NELL1: variants seen among roughly 807,000 people sequenced by gnomAD.
The protein encoded by NELL1 is neural EGFL like 1.
NELL1 carries 76 observed loss-of-function variants against 107.4 expected under a neutral mutation model. The observed-to-expected ratio is 0.71, with a 90% confidence interval of 0.59 to 0.86. NELL1 has a LOEUF of 0.86. NELL1 is among the 40% of genes least tolerant of loss of function. The pLI is 0.00. For missense variants in NELL1, 1,024 were observed against 1,005.5 expected (o/e 1.02, Z -0.25); for synonymous variants, 353 against 341.2 (o/e 1.03, Z -0.38).
At chr11:21,341,321 A>G (rs1850559869) in intron 14 of NELL1, among the ~76,000 whole-genome samples, 1 of 152,256 alleles carries the variant, frequency 6.6e-6, no homozygotes, top group Admixed American at 6.5e-5. Flanking sequence ...ACTATTGACT[A>G]TGAGAAATTC....
intron 15 of NELL1, among the ~76,000 whole-genome samples, chr11:21,433,625 G>A (rs1853027045): frequency 2.0e-5 from 3 of 152,118 alleles, no homozygotes; most frequent in South Asian, 4.2e-4. Context: ...TTTTGGTGAT[G>A]ATTAGTGATG....
chr11:21,512,897 A>T (rs6483774), intron 15 of NELL1, among the ~76,000 whole-genome samples: 81,594 of 152,068 alleles, frequency 0.54, 22,173 homozygotes, highest in African/African-American at 0.6. Flanking sequence ...CCAATGCTTG[A>T]ACATGTTTCC....
chr11:20,894,988 C>CTTCATCCTTGCTCCATG (rs1849694435), intron 5 of NELL1, among the ~76,000 whole-genome samples: 10 of 150,966 alleles, frequency 6.6e-5, no homozygotes, highest in African/African-American at 2.2e-4. Flanking sequence ...ATTATTCCCT[C>CTTCATCCTTGCTCCATG]TGGCCGGGCG....
At chr11:21,501,831 T>C (rs928896421) in intron 15 of NELL1, among the ~76,000 whole-genome samples, 2 of 152,056 alleles carry the variant, frequency 1.3e-5, no homozygotes, top group Non-Finnish European at 2.9e-5. Flanking sequence ...TGGGAGCCAA[T>C]GTATTTGTTT....
chr11:20,834,893 T>C (rs1848504081), intron 3 of NELL1, among the ~76,000 whole-genome samples: 1 of 152,162 alleles, frequency 6.6e-6, no homozygotes, highest in Admixed American at 6.5e-5. Context: ...CTATCAGTCC[T>C]AACATAAAAT....
chr11:20,926,741 T>C (rs934668204), intron 7 of NELL1, among the ~76,000 whole-genome samples: 1 of 152,214 alleles, frequency 6.6e-6, no homozygotes, highest in African/African-American at 2.4e-5. Context: ...TTCCTGTCCT[T>C]CTTCTAAGCA....
At chr11:21,567,642 T>G (rs577109781) in intron 17 of NELL1, among the ~76,000 whole-genome samples, 5 of 151,954 alleles carry the variant, frequency 3.3e-5, no homozygotes, top group Admixed American at 2.6e-4. Flanking sequence ...AATATAAAGC[T>G]TTTAAGGTTT....
At chr11:20,873,438 T>G (rs981935886) in intron 4 of NELL1, among the ~76,000 whole-genome samples, 1 of 152,244 alleles carries the variant, frequency 6.6e-6, no homozygotes, top group Non-Finnish European at 1.5e-5. Flanking sequence ...AACTAAAATG[T>G]CTTTTAGATT....
chr11:20,877,888 C>CA (rs936173055), intron 4 of NELL1, among the ~76,000 whole-genome samples: 1 of 152,132 alleles, frequency 6.6e-6, no homozygotes, highest in African/African-American at 2.4e-5. Flanking sequence ...CAAGTGAATA[C>CA]AAAGCCTGAG....
chr11:21,261,190 C>CTTT (rs557275008), intron 14 of NELL1, among the ~76,000 whole-genome samples: 9 of 141,986 alleles, frequency 6.3e-5, no homozygotes, highest in African/African-American at 2.0e-4. Flanking sequence ...ATGAAATGGC[C>CTTT]TTTTTTTTTT....
chr11:21,235,059 C>T (rs1858170231), intron 14 of NELL1, among the ~76,000 whole-genome samples: 1 of 152,064 alleles, frequency 6.6e-6, no homozygotes, highest in Non-Finnish European at 1.5e-5. Flanking sequence ...AAGCCTTTGG[C>T]AAAAGTACTT....
At chr11:21,436,326 TACAGGCATGAACC>T (rs1338667581) in intron 15 of NELL1, among the ~76,000 whole-genome samples, 1 of 152,206 alleles carries the variant, frequency 6.6e-6, no homozygotes, top group Non-Finnish European at 1.5e-5. Context: ...GTGCTGGGAT[TACAGGCATGAACC>T]ACTGTGCTCA....
At chr11:21,412,777 A>G (rs535376799) in intron 15 of NELL1, among the ~76,000 whole-genome samples, 2 of 152,186 alleles carry the variant, frequency 1.3e-5, no homozygotes, top group South Asian at 4.1e-4. Context: ...CCTTAAGTAT[A>G]ACTCCTGGCC....
At chr11:21,308,273 T>A (rs1321804727) in intron 14 of NELL1, among the ~76,000 whole-genome samples, 1 of 151,984 alleles carries the variant, frequency 6.6e-6, no homozygotes, top group Non-Finnish European at 1.5e-5. Flanking sequence ...ATGTAGAAAC[T>A]GTTAAAGAAA....
intron 12 of NELL1, among the ~76,000 whole-genome samples, chr11:21,058,212 G>C (rs1456180626): frequency 6.6e-6 from 1 of 151,964 alleles, no homozygotes; most frequent in Non-Finnish European, 1.5e-5. Context: ...TTCTGGTTTA[G>C]GCATACAGAT....
intron 15 of NELL1, among the ~76,000 whole-genome samples, chr11:21,452,323 G>A (rs1853608383): frequency 6.6e-6 from 1 of 152,072 alleles, no homozygotes; most frequent in Non-Finnish European, 1.5e-5. Flanking sequence ...ATTTTGCCCA[G>A]GTGTTTTGGT....
chr11:21,098,710 C>T (rs1426781765), intron 12 of NELL1, among the ~76,000 whole-genome samples: 2 of 152,134 alleles, frequency 1.3e-5, no homozygotes, highest in African/African-American at 4.8e-5. Flanking sequence ...ATTGATTGAA[C>T]TCTGGCCCAT....
intron 5 of NELL1, among the ~76,000 whole-genome samples, chr11:20,908,229 TCTG>T (rs1741945071): frequency 6.6e-6 from 1 of 152,182 alleles, no homozygotes; most frequent in African/African-American, 2.4e-5. Context: ...TATAAGTCAA[TCTG>T]CTGAAAAGAC....
intron 12 of NELL1, among the ~76,000 whole-genome samples, chr11:20,969,923 T>A (rs960304410): frequency 6.6e-6 from 1 of 152,188 alleles, no homozygotes; most frequent in African/African-American, 2.4e-5. Context: ...GTAACATTAT[T>A]TATAATTATA....
Sources: allele counts gnomAD v4.1 joint callset (sites outside exome capture counted in the v4.1 genomes callset), GRCh38; gene constraint gnomAD v4.1.1; transcripts MANE v1.5; gene names NCBI Gene and HGNC (gene_info 2026-07-23, HGNC 2026-07-21).